The following SNTB1 variants were observed in gnomAD, a reference collection of about 807,000 sequenced individuals.
SNTB1 encodes beta-1-syntrophin.
SNTB1 carries 36 observed loss-of-function variants against 48.9 expected under a neutral mutation model. That is an observed-to-expected ratio of 0.74 (90% CI 0.56 to 0.97). The LOEUF (loss-of-function observed/expected upper bound fraction) is 0.97, where lower values mean the gene tolerates loss of function less well. Among genes scored for constraint, SNTB1 ranks in the 50% least tolerant of loss-of-function variants. The pLI is 0.00. For synonymous variants in SNTB1, 299 were observed against 294.6 expected (o/e 1.01, Z -0.15); for missense variants, 786 against 703.4 (o/e 1.12, Z -1.33).
At chr8:120,655,857 C>T (rs1334202336) in intron 2 of SNTB1, among the ~76,000 whole-genome samples, 1 of 152,178 alleles carries the variant, frequency 6.6e-6, no homozygotes, top group Non-Finnish European at 1.5e-5. Flanking sequence ...TGTGCATAGA[C>T]ATGCATAGAC....
chr8:120,793,670 CTG>C (rs1820075492), intron 1 of SNTB1, among the ~76,000 whole-genome samples: 1 of 151,978 alleles, frequency 6.6e-6, no homozygotes. Context: ...AGTTGTGTAA[CTG>C]CAGATCAGCC....
chr8:120,765,267 A>C (rs1259298435), intron 1 of SNTB1, among the ~76,000 whole-genome samples: 1 of 152,088 alleles, frequency 6.6e-6, no homozygotes, highest in African/African-American at 2.4e-5. Context: ...AAAAACTCAC[A>C]TTTCTCTGTC....
chr8:120,680,350 C>G (rs1377536272), intron 2 of SNTB1, among the ~76,000 whole-genome samples: 1 of 152,168 alleles, frequency 6.6e-6, no homozygotes, highest in African/African-American at 2.4e-5. Flanking sequence ...ACGACTGAAA[C>G]TATCTATTGA....
chr8:120,681,813 G>T (rs1402505729), intron 2 of SNTB1, among the ~76,000 whole-genome samples: 1 of 152,018 alleles, frequency 6.6e-6, no homozygotes, highest in East Asian at 1.9e-4. Flanking sequence ...GTTTTACTCA[G>T]TGCAAGAAAT....
intron 1 of SNTB1, among the ~76,000 whole-genome samples, chr8:120,765,567 A>G (rs547541664): frequency 9.9e-5 from 15 of 152,214 alleles, no homozygotes; most frequent in African/African-American, 3.6e-4. Flanking sequence ...TTGCTGCATC[A>G]TCCTATGGTG....
rs1563610829 is a variant in SNTB1, at chr8:120,811,449, T to A, written c.395A>T (p.Glu132Val). 1 of 1,614,002 alleles carries A rather than the reference T, an allele frequency of 6.2e-7. No individual in the cohort carries two copies. Among genetic ancestry groups the A allele is most frequent in the Non-Finnish European group, 8.5e-7 (1 of 1,179,898 alleles). The change falls in exon 1 of 7, where the codon GAG (glutamate) becomes GTG (valine). Residue 132 changes from glutamate (E) to valine (V), a missense_variant. Physicochemically the swap from Glu to Val is moderately radical, Grantham distance 121. Coordinates refer to ENST00000517992, the MANE Select transcript of SNTB1 (RefSeq NM_021021.4). ...GLGISIKGGK[E>V]NKMPILISKI... The stretch of plus-strand genomic sequence containing the variant: ...GCTGATGAGGATGGGCATCTTGTTC[T>A]CCTTGCCCCCCTTGATGCTGATCCC...
At chr8:120,737,654 C>T (rs1818970967) in intron 1 of SNTB1, among the ~76,000 whole-genome samples, 2 of 152,112 alleles carry the variant, frequency 1.3e-5, no homozygotes, top group Admixed American at 1.3e-4. Flanking sequence ...TGAGGGCAAA[C>T]CTGGGGCCAG....
chr8:120,665,470 A>T lies in SNTB1; in HGVS notation c.788+28222T>A, dbSNP rs1046646080. ...TCCAAATAAATAAATAAATAAATAA[A>T]ATATATATGTTCTGGATACAAGTTA... On this transcript the variant is annotated intron_variant, in intron 2 of 6. Coordinates refer to ENST00000517992, the MANE Select transcript of SNTB1 (RefSeq NM_021021.4). 2.2e-4 allele frequency among the ~76,000 whole-genome samples: 34 copies of T among 151,906 alleles called. No individual in the cohort carries two copies. The South Asian group carries it at 2.3e-3, about 10-fold the overall frequency.
At chr8:120,755,427 G>GTCAT (rs1819302423) in intron 1 of SNTB1, among the ~76,000 whole-genome samples, 1 of 152,004 alleles carries the variant, frequency 6.6e-6, no homozygotes, top group Non-Finnish European at 1.5e-5. Context: ...TCATGATCAG[G>GTCAT]GAGAGCCAAA....
At chr8:120,595,709 G>A (rs188748560) in intron 3 of SNTB1, among the ~76,000 whole-genome samples, 2 of 151,900 alleles carry the variant, frequency 1.3e-5, no homozygotes, top group East Asian at 1.9e-4. Flanking sequence ...TCAGCCTCCC[G>A]AGTAGCTGGG....
intron 1 of SNTB1, among the ~76,000 whole-genome samples, chr8:120,760,688 T>TAAATAAAAAAAGACAG: frequency 6.6e-6 from 1 of 152,066 alleles, no homozygotes; most frequent in East Asian, 1.9e-4. Context: ...ACTGTTCTGT[T>TAAATAAAAAAAGACAG]CTCCTTAACA....
At chr8:120,759,621 C>T (rs1245394090) in intron 1 of SNTB1, among the ~76,000 whole-genome samples, 1 of 152,150 alleles carries the variant, frequency 6.6e-6, no homozygotes, top group East Asian at 1.9e-4. Context: ...CAATGTCCAC[C>T]TGAGCCTGGC....
At chr8:120,634,914 C>T (rs921694276) in intron 2 of SNTB1, among the ~76,000 whole-genome samples, 7 of 147,962 alleles carry the variant, frequency 4.7e-5, no homozygotes, top group African/African-American at 1.0e-4. Flanking sequence ...TGCAGTGGTG[C>T]GACCTTGGCT....
In SNTB1 at chr8:120,716,805, AT is replaced by A. The variant is rs34765305; in HGVS notation, c.572-22898del. 4.6e-5 allele frequency among the ~76,000 whole-genome samples: 7 copies of A among 152,146 alleles called. No homozygotes were observed. In the East Asian group the frequency reaches 1.4e-3, roughly 29 times the overall value. On this transcript the variant is annotated intron_variant, in intron 1 of 6. Coordinates refer to ENST00000517992, the MANE Select transcript of SNTB1 (RefSeq NM_021021.4). ...CATGATTTAACATGGGAAATAGAAG[AT>A]TTTTTTCTAGCAGTATTAGGTGGTT...
chr8:120,789,554 C>T (rs1056328578), intron 1 of SNTB1, among the ~76,000 whole-genome samples: 8 of 151,928 alleles, frequency 5.3e-5, no homozygotes, highest in South Asian at 2.1e-4. Context: ...GGAGACATTA[C>T]GACTGACACT....
intron 2 of SNTB1, among the ~76,000 whole-genome samples, chr8:120,649,908 C>T (rs546698595): frequency 2.5e-4 from 38 of 152,288 alleles, no homozygotes; most frequent in African/African-American, 7.9e-4. Context: ...GCGCAGTATT[C>T]GGGTGGGAGT....
intron 1 of SNTB1, among the ~76,000 whole-genome samples, chr8:120,758,025 G>A (rs12334417): frequency 0.092 from 14,027 of 152,100 alleles, 2,125 homozygotes; most frequent in African/African-American, 0.31. Context: ...CTCATTTATC[G>A]CTTCTGCTAA....
chr8:120,677,670 C>T (rs1382998490), intron 2 of SNTB1, among the ~76,000 whole-genome samples: 1 of 151,890 alleles, frequency 6.6e-6, no homozygotes, highest in Non-Finnish European at 1.5e-5. Flanking sequence ...TAGTATGTCC[C>T]AGGCATTAGG....
chr8:120,613,417 A>G (rs1816658839), intron 3 of SNTB1, among the ~76,000 whole-genome samples: 1 of 151,604 alleles, frequency 6.6e-6, no homozygotes, highest in Admixed American at 6.6e-5. Context: ...GCTGGGAAAG[A>G]TAGTAGAATG....
Sources: gnomAD v4.1 joint callset for allele counts (sites outside exome capture counted in the v4.1 genomes callset) on GRCh38, gnomAD v4.1.1 for gene constraint, MANE v1.5 for transcripts, NCBI Gene and HGNC (gene_info 2026-07-23, HGNC 2026-07-21) for gene names.